The following KCNK10 variants were observed in gnomAD, a reference collection of about 807,000 sequenced individuals.
KCNK10 encodes potassium two pore domain channel subfamily K member 10.
KCNK10 carries 25 observed loss-of-function variants against 47.7 expected under a neutral mutation model. That is an observed-to-expected ratio of 0.52 (90% confidence interval 0.38 to 0.73). The LOEUF (loss-of-function observed/expected upper bound fraction) is 0.73. Among genes scored for constraint, KCNK10 ranks in the 30% least tolerant of loss-of-function variants. The probability of loss-of-function intolerance (pLI) is 0.00; values close to 1 mark genes in which losing one functional copy is unlikely to be tolerated. For synonymous variants in KCNK10, 303 were observed against 285.6 expected (o/e 1.06, Z -0.61); for missense variants, 563 against 714.5 (o/e 0.79, Z 2.42).
At chr14:88,276,476 A>T (rs1359346207) in intron 1 of KCNK10, among the ~76,000 whole-genome samples, 1 of 152,104 alleles carries the variant, frequency 6.6e-6, no homozygotes, top group East Asian at 1.9e-4. Flanking sequence ...ACACTAAGAC[A>T]TTGACTAGAT....
chr14:88,256,638 G>GA (rs1366988639), intron 2 of KCNK10, among the ~76,000 whole-genome samples: 2 of 152,148 alleles, frequency 1.3e-5, no homozygotes, highest in Non-Finnish European at 2.9e-5. Context: ...CGACTTCTGT[G>GA]ATGGGCACTC....
rs924391156 is a variant in KCNK10 at position 88,295,206 on chromosome 14, T to C, written c.52+27541A>G. 2.3e-4 allele frequency among the ~76,000 whole-genome samples: 35 copies of C among 152,340 alleles called. 1 individual carries two copies. Among genetic ancestry groups the C allele is most frequent in the African/African-American group, 8.4e-4 (35 of 41,568 alleles). ...CCCCTAAATTAATAGAAATCAACTT[T>C]GCTCTGTCACCCTTGTGGGAAGGCA... On this transcript the variant is annotated intron_variant, in intron 1 of 6. Transcript: ENST00000319231.
At chr14:88,197,114 T>A (rs1566681156) in intron 4 of KCNK10, among the ~76,000 whole-genome samples, 1 of 152,278 alleles carries the variant, frequency 6.6e-6, no homozygotes, top group East Asian at 1.9e-4. Context: ...AAAGTTTATA[T>A]CCAGCTTCTG....
intron 2 of KCNK10, among the ~76,000 whole-genome samples, chr14:88,256,932 G>A (rs768671534): frequency 8.5e-5 from 13 of 152,130 alleles, no homozygotes; most frequent in Non-Finnish European, 1.6e-4. Flanking sequence ...AGAGCAGTGA[G>A]GCCGGGGCAA....
At chr14:88,192,199 T>G (rs1566679320) in intron 5 of KCNK10, 25 bp downstream of exon 5, 3 of 1,585,850 alleles carry the variant, frequency 1.9e-6, no homozygotes, top group Non-Finnish European at 2.6e-6. Context: ...AGAGCCCCAG[T>G]GCCTGGCCTG....
chr14:88,303,772 G>A (rs532340303), intron 1 of KCNK10, among the ~76,000 whole-genome samples: 1 of 152,178 alleles, frequency 6.6e-6, no homozygotes, highest in African/African-American at 2.4e-5. Context: ...AAGTTGTTTC[G>A]ACCAATTGCT....
At chr14:88,211,233 T>C (rs549633478) in intron 4 of KCNK10, among the ~76,000 whole-genome samples, 1 of 152,350 alleles carries the variant, frequency 6.6e-6, no homozygotes, top group African/African-American at 2.4e-5. Context: ...GACACTGTGC[T>C]AAGTGAAATA....
intron 1 of KCNK10, among the ~76,000 whole-genome samples, chr14:88,314,709 G>A (rs1268476189): frequency 6.6e-6 from 1 of 152,196 alleles, no homozygotes; most frequent in Non-Finnish European, 1.5e-5. Flanking sequence ...AGGCTGAGCT[G>A]GAGGCTACCC....
intron 3 of KCNK10, among the ~76,000 whole-genome samples, chr14:88,236,389 G>A (rs534341805): frequency 1.7e-3 from 252 of 152,148 alleles, no homozygotes; most frequent in Admixed American, 5.5e-3. Flanking sequence ...TCCTTCAAAT[G>A]TTAAGCTACA....
intron 4 of KCNK10, among the ~76,000 whole-genome samples, chr14:88,195,588 A>G (rs373606164): frequency 6.6e-6 from 1 of 152,116 alleles, no homozygotes; most frequent in Non-Finnish European, 1.5e-5. Context: ...ATGACAAAAA[A>G]TGTCCTCATT....
upstream of KCNK10, among the ~76,000 whole-genome samples, chr14:88,325,601 C>T (rs928002710): frequency 6.6e-6 from 1 of 152,154 alleles, no homozygotes; most frequent in African/African-American, 2.4e-5. Context: ...CATCCAGTCC[C>T]GGGACCCATG....
chr14:88,291,975 G>A (rs931914832), intron 1 of KCNK10, among the ~76,000 whole-genome samples: 9 of 152,214 alleles, frequency 5.9e-5, no homozygotes, highest in African/African-American at 2.2e-4. Flanking sequence ...GGCAGAAGCT[G>A]AGAGGCCGGG....
intron 1 of KCNK10, among the ~76,000 whole-genome samples, chr14:88,265,952 C>T (rs1887241487): frequency 6.6e-6 from 1 of 152,162 alleles, no homozygotes; most frequent in African/African-American, 2.4e-5. Context: ...TATAACTTAC[C>T]CAGTCTTGGG....
At chr14:88,312,212 C>T (rs1422284460) in intron 1 of KCNK10, among the ~76,000 whole-genome samples, 1 of 152,166 alleles carries the variant, frequency 6.6e-6, no homozygotes, top group Admixed American at 6.5e-5. Flanking sequence ...CAGGAATAAG[C>T]CAGGCATGTA....
intron 2 of KCNK10, among the ~76,000 whole-genome samples, chr14:88,249,371 T>C (rs2139901456): frequency 6.6e-6 from 1 of 152,290 alleles, no homozygotes; most frequent in Non-Finnish European, 1.5e-5. Flanking sequence ...CAACACCTTA[T>C]GTTAAGACAC....
intron 2 of KCNK10, among the ~76,000 whole-genome samples, chr14:88,249,107 TA>T (rs965803810): frequency 6.6e-6 from 1 of 151,628 alleles, no homozygotes; most frequent in African/African-American, 2.4e-5. Context: ...TTCTTCCAAC[TA>T]AAAAAAAGGA....
At chr14:88,191,998 A>T (rs1488621551) in intron 5 of KCNK10, among the ~76,000 whole-genome samples, 1 of 152,216 alleles carries the variant, frequency 6.6e-6, no homozygotes, top group East Asian at 1.9e-4. Flanking sequence ...GGAAATAAGC[A>T]TCCTGAGAAG....
intron 1 of KCNK10, among the ~76,000 whole-genome samples, chr14:88,303,353 C>T (rs1285211699): frequency 1.3e-5 from 2 of 152,066 alleles, no homozygotes; most frequent in African/African-American, 2.4e-5. Context: ...GATAAAAGGA[C>T]AGAAAGGTGA....
chr14:88,240,577 G>C, intron 3 of KCNK10, 126 bp downstream of exon 3: 1 of 624,420 alleles, frequency 1.6e-6, no homozygotes, highest in Non-Finnish European at 2.9e-6. Flanking sequence ...TAATTTAAAC[G>C]ACAGTGTTTC....
Sources: gnomAD v4.1 joint callset for allele counts (sites outside exome capture counted in the v4.1 genomes callset) on GRCh38, gnomAD v4.1.1 for gene constraint, MANE v1.5 for transcripts, NCBI Gene and HGNC (gene_info 2026-07-23, HGNC 2026-07-21) for gene names.